Variants in GUCY1A2 observed in about 807,000 individuals in gnomAD.
The protein encoded by GUCY1A2 is guanylate cyclase 1 soluble subunit alpha 2.
A neutral mutation model predicts 63.5 loss-of-function variants in GUCY1A2; 27 were observed. That is an observed-to-expected ratio of 0.43 (90% CI 0.31 to 0.59). GUCY1A2 has a LOEUF of 0.59. Ranked by LOEUF, GUCY1A2 falls within the 20% of genes least tolerant of loss-of-function variation. The probability of loss-of-function intolerance (pLI) is 0.11; values close to 1 mark genes in which losing one functional copy is unlikely to be tolerated. For missense variants in GUCY1A2, 768 were observed against 913.3 expected (o/e 0.84, Z 2.05); for synonymous variants, 364 against 343.5 (o/e 1.06, Z -0.66).
intron 6 of GUCY1A2, among the ~76,000 whole-genome samples, chr11:106,753,823 G>C (rs1377889619): frequency 6.6e-6 from 1 of 152,188 alleles, no homozygotes; most frequent in Non-Finnish European, 1.5e-5. Flanking sequence ...GCTTAGGATT[G>C]ACTTGGAAAT....
chr11:106,696,121 C>A (rs1416124147), intron 7 of GUCY1A2, among the ~76,000 whole-genome samples: 2 of 152,084 alleles, frequency 1.3e-5, no homozygotes, highest in Non-Finnish European at 2.9e-5. Context: ...ATTTGAGTGG[C>A]AAAACTAATG....
chr11:106,814,382 G>C (rs1223939109), intron 4 of GUCY1A2, among the ~76,000 whole-genome samples: 1 of 152,086 alleles, frequency 6.6e-6, no homozygotes, highest in Non-Finnish European at 1.5e-5. Context: ...AGCAACATTT[G>C]CTTTCAAAGA....
At chr11:106,824,293 G>A in intron 4 of GUCY1A2, 1 of 469,566 alleles carries the variant, frequency 2.1e-6, no homozygotes. Context: ...AGAAAAGTCA[G>A]TTTTCTGATT....
intron 4 of GUCY1A2, among the ~76,000 whole-genome samples, chr11:106,893,480 C>T (rs142594157): frequency 2.2e-3 from 338 of 151,980 alleles, no homozygotes; most frequent in African/African-American, 7.8e-3. Context: ...ATATATACCA[C>T]CTATACTGAA....
intron 1 of GUCY1A2, among the ~76,000 whole-genome samples, chr11:106,997,706 T>C (rs763396580): frequency 7.1e-6 from 1 of 140,432 alleles, no homozygotes; most frequent in Non-Finnish European, 1.5e-5. Flanking sequence ...AGAAAGAGCT[T>C]AGGGTTTGCA....
Position 106,681,968 on chromosome 11 carries a change from TTC to T in GUCY1A2, c.*5579_*5580del. 1 of 213,348 alleles carries T rather than the reference TTC, an allele frequency of 4.7e-6. No homozygotes were observed. The highest frequency in any genetic ancestry group is 2.3e-5 in the African/African-American group (1 of 44,102). 13.2% of individuals were successfully genotyped at this position (213,348 alleles called of 1,614,324 possible). A position where few individuals can be genotyped will look rare whatever the true frequency, so the allele number is the denominator to read the frequency against. ...GTAAGGCTGTCACTTTGATATTTGC[TTC>T]TGTGTCCCAAAGGTCATAGTTTTTA... On this transcript the variant is annotated 3_prime_UTR_variant, in exon 8 of 8. Coordinates refer to ENST00000526355, the MANE Select transcript of GUCY1A2 (RefSeq NM_000855.3).
intron 1 of GUCY1A2, among the ~76,000 whole-genome samples, chr11:107,007,471 C>T (rs1199605125): frequency 1.3e-5 from 2 of 152,202 alleles, no homozygotes; most frequent in East Asian, 1.9e-4. Context: ...TCCACTCCAG[C>T]GGATTGTCCC....
chr11:106,815,411 A>G (rs1056707559), intron 4 of GUCY1A2, among the ~76,000 whole-genome samples: 1 of 151,982 alleles, frequency 6.6e-6, no homozygotes, highest in African/African-American at 2.4e-5. Context: ...ACATAAACCC[A>G]CAAATTCAAC....
At chr11:106,984,275 T>A (rs913693256) in intron 2 of GUCY1A2, among the ~76,000 whole-genome samples, 7 of 152,164 alleles carry the variant, frequency 4.6e-5, no homozygotes, top group Non-Finnish European at 7.4e-5. Flanking sequence ...TCAAGACCCC[T>A]CTTTATACTG....
intron 1 of GUCY1A2, among the ~76,000 whole-genome samples, chr11:107,014,917 T>A (rs1861799338): frequency 6.6e-6 from 1 of 152,268 alleles, no homozygotes; most frequent in African/African-American, 2.4e-5. Flanking sequence ...AACAAAAAAA[T>A]GTCCAGCTTT....
At chr11:106,703,781 GATTA>G (rs901702263) in intron 7 of GUCY1A2, among the ~76,000 whole-genome samples, 2 of 151,668 alleles carry the variant, frequency 1.3e-5, no homozygotes, top group South Asian at 2.1e-4. Flanking sequence ...TTACTAATTA[GATTA>G]ATTATATACT....
At chr11:106,901,947 T>G (rs1269532734) in intron 4 of GUCY1A2, among the ~76,000 whole-genome samples, 1 of 152,114 alleles carries the variant, frequency 6.6e-6, no homozygotes, top group Non-Finnish European at 1.5e-5. Context: ...CAATAACATG[T>G]ATATTTATTG....
intron 6 of GUCY1A2, among the ~76,000 whole-genome samples, chr11:106,713,982 T>TAC (rs2135356515): frequency 6.7e-6 from 1 of 149,228 alleles, no homozygotes; most frequent in African/African-American, 2.5e-5. Flanking sequence ...AAGTGAGTAT[T>TAC]ACACTGACAC....
At chr11:106,902,153 C>T (rs570501223) in intron 4 of GUCY1A2, among the ~76,000 whole-genome samples, 12 of 152,234 alleles carry the variant, frequency 7.9e-5, no homozygotes, top group Non-Finnish European at 1.5e-4. Flanking sequence ...TCCTTGTACA[C>T]CTCCATCAGA....
chr11:106,958,612 A>AT lies in GUCY1A2; in HGVS notation c.488-18435_488-18434insA, dbSNP rs1491094242. On this transcript the variant is annotated intron_variant, in intron 3 of 7. Coordinates refer to ENST00000526355, the MANE Select transcript of GUCY1A2 (RefSeq NM_000855.3). ...GCAGCTTTAAAGAACTGTTTAATAT[A>AT]AAAAAAAAAAAGGGTACACTAGGAA... Among the ~76,000 whole-genome samples the AT allele has an allele frequency of 5.7e-5, 4 of 69,752 alleles. No individual in the cohort carries two copies. In the East Asian group the frequency reaches 2.4e-3, roughly 41 times the overall value. 45.8% of individuals were successfully genotyped at this position (69,752 alleles called of 152,430 possible). A position where few individuals can be genotyped will look rare whatever the true frequency, so the allele number is the denominator to read the frequency against.
At chr11:106,754,318 T>C (rs978128183) in intron 6 of GUCY1A2, among the ~76,000 whole-genome samples, 1 of 152,300 alleles carries the variant, frequency 6.6e-6, no homozygotes, top group Non-Finnish European at 1.5e-5. Flanking sequence ...CAATTTGACT[T>C]CCTCTCTTCC....
At chr11:106,731,093 T>C (rs1319338249) in intron 6 of GUCY1A2, among the ~76,000 whole-genome samples, 2 of 152,138 alleles carry the variant, frequency 1.3e-5, no homozygotes, top group African/African-American at 4.8e-5. Context: ...AGATCTTTAG[T>C]TTAATTAGAT....
chr11:106,961,322 G>T (rs1236057490), intron 3 of GUCY1A2, among the ~76,000 whole-genome samples: 2 of 151,982 alleles, frequency 1.3e-5, no homozygotes, highest in Non-Finnish European at 2.9e-5. Flanking sequence ...CAGCACCAGA[G>T]ACTTAGTTTA....
At chr11:106,805,781 A>T (rs1858675750) in intron 5 of GUCY1A2, among the ~76,000 whole-genome samples, 1 of 152,168 alleles carries the variant, frequency 6.6e-6, no homozygotes, top group Non-Finnish European at 1.5e-5. Context: ...TTACAGAATC[A>T]ATAACTGTAG....
Sources: gnomAD v4.1 joint callset for allele counts (sites outside exome capture counted in the v4.1 genomes callset) on GRCh38, gnomAD v4.1.1 for gene constraint, MANE v1.5 for transcripts, NCBI Gene and HGNC (gene_info 2026-07-23, HGNC 2026-07-21) for gene names.